The following ARHGAP26 variants were observed in gnomAD, a reference collection of about 807,000 sequenced individuals.
The protein encoded by ARHGAP26 is rho GTPase-activating protein 26.
A neutral mutation model predicts 104.8 loss-of-function variants in ARHGAP26; 38 were observed. The observed-to-expected ratio is 0.36, with a 90% CI of 0.28 to 0.48. The LOEUF is 0.48. Among genes scored for constraint, ARHGAP26 ranks in the 20% least tolerant of loss-of-function variants. The probability of loss-of-function intolerance (pLI) is 0.99; values close to 1 mark genes in which losing one functional copy is unlikely to be tolerated. For synonymous variants in ARHGAP26, 341 were observed against 340.0 expected (o/e 1.00, Z -0.03); for missense variants, 704 against 947.9 (o/e 0.74, Z 3.38).
chr5:142,889,250 G>T (rs981404275), intron 5 of ARHGAP26, among the ~76,000 whole-genome samples: 16 of 152,226 alleles, frequency 1.1e-4, no homozygotes, highest in African/African-American at 3.9e-4. Context: ...GCCATACACC[G>T]TTCTGAGCAC....
chr5:142,806,362 T>C (rs986611976), intron 1 of ARHGAP26, among the ~76,000 whole-genome samples: 3 of 152,230 alleles, frequency 2.0e-5, no homozygotes, highest in Non-Finnish European at 4.4e-5. Context: ...ATTACAGTGC[T>C]GGGATTACAG....
rs538094045 is a variant in ARHGAP26, at chr5:142,875,017, G to A, written c.251-93G>A. On this transcript the variant is annotated intron_variant, in intron 2 of 22. Transcript: ENST00000645722. ...ACTTTAGGCATCTGTATGTGCCAAG[G>A]AATTAAAATCCATAACATAATAGCC... The A allele has an allele frequency of 1.6e-5, 17 of 1,048,800 alleles. No homozygotes were observed. In the African/African-American group the frequency reaches 2.7e-4, roughly 17 times the overall value. The allele number at this position is 1,048,800 out of a possible 1,614,324, so 65.0% of individuals were successfully genotyped here. A position where few individuals can be genotyped will look rare whatever the true frequency, so the allele number is the denominator to read the frequency against.
At chr5:142,809,508 TGGTTTGCTGCCCCAGGCA>T (rs895262806) in intron 1 of ARHGAP26, among the ~76,000 whole-genome samples, 1 of 152,170 alleles carries the variant, frequency 6.6e-6, no homozygotes, top group African/African-American at 2.4e-5. Flanking sequence ...AGATGGCTTT[TGGTTTGCTGCCCCAGGCA>T]GTGAGTCCCG....
chr5:143,063,056 A>G (rs1208837948), intron 17 of ARHGAP26, among the ~76,000 whole-genome samples: 1 of 152,154 alleles, frequency 6.6e-6, no homozygotes, highest in African/African-American at 2.4e-5. Context: ...TCTCTCTAGT[A>G]ACCACTGAAC....
At chr5:142,851,152 C>T (rs537625668) in intron 1 of ARHGAP26, among the ~76,000 whole-genome samples, 1 of 149,804 alleles carries the variant, frequency 6.7e-6, no homozygotes, top group South Asian at 2.1e-4. Context: ...GGCTGGAGTG[C>T]AGTGCATGAT....
At chr5:142,799,462 G>A (rs769231363) in intron 1 of ARHGAP26, among the ~76,000 whole-genome samples, 1 of 152,206 alleles carries the variant, frequency 6.6e-6, no homozygotes, top group Non-Finnish European at 1.5e-5. Context: ...AGTCCCAAGA[G>A]TGGATGCTTT....
chr5:142,907,905 C>T (rs1353410500), intron 9 of ARHGAP26, 101 bp downstream of exon 9: 1 of 677,684 alleles, frequency 1.5e-6, no homozygotes, highest in Non-Finnish European at 2.2e-6. Context: ...ATTTATGTTT[C>T]ATCATAAATT....
chr5:143,191,844 C>T (rs1343530438), intron 20 of ARHGAP26, among the ~76,000 whole-genome samples: 2 of 152,254 alleles, frequency 1.3e-5, no homozygotes, highest in Admixed American at 6.5e-5. Flanking sequence ...CCCCTTCCAT[C>T]GTATTTGTCA....
intron 17 of ARHGAP26, among the ~76,000 whole-genome samples, chr5:143,092,780 A>G (rs1791647345): frequency 6.6e-6 from 1 of 152,244 alleles, no homozygotes; most frequent in Non-Finnish European, 1.5e-5. Flanking sequence ...TAGAATTGGT[A>G]TAGATGGCTC....
chr5:143,106,230 A>G (rs1793996726), intron 17 of ARHGAP26, among the ~76,000 whole-genome samples: 1 of 152,120 alleles, frequency 6.6e-6, no homozygotes, highest in African/African-American at 2.4e-5. Context: ...TGGAAGACTG[A>G]GCAGTGGGAT....
At chr5:142,839,227 T>G (rs1446978379) in intron 1 of ARHGAP26, among the ~76,000 whole-genome samples, 1 of 152,244 alleles carries the variant, frequency 6.6e-6, no homozygotes, top group Non-Finnish European at 1.5e-5. Context: ...GTCTCTGTTC[T>G]TATGCTGTAA....
intron 12 of ARHGAP26, among the ~76,000 whole-genome samples, chr5:143,022,480 A>G (rs1482378929): frequency 1.3e-5 from 2 of 152,186 alleles, no homozygotes; most frequent in Admixed American, 6.5e-5. Flanking sequence ...CAACTCCGCT[A>G]TGGTAGTGTG....
chr5:143,090,793 A>G (rs1791305113), intron 17 of ARHGAP26, among the ~76,000 whole-genome samples: 1 of 152,224 alleles, frequency 6.6e-6, no homozygotes, highest in African/African-American at 2.4e-5. Context: ...ACATTGGACC[A>G]ACTACATCAT....
chr5:142,969,180 A>G (rs998069085), intron 11 of ARHGAP26, among the ~76,000 whole-genome samples: 18 of 152,228 alleles, frequency 1.2e-4, no homozygotes, highest in Non-Finnish European at 2.4e-4. Context: ...TGCTCAAGCA[A>G]TCTGCCCACC....
chr5:142,850,849 A>G (rs1254361611), intron 1 of ARHGAP26, among the ~76,000 whole-genome samples: 1 of 152,230 alleles, frequency 6.6e-6, no homozygotes, highest in Non-Finnish European at 1.5e-5. Context: ...ATCTGAAAGG[A>G]CTTTAAAGAG....
At chr5:142,810,720 T>G (rs10078709) in intron 1 of ARHGAP26, among the ~76,000 whole-genome samples, 6,975 of 152,300 alleles carry the variant, frequency 0.046, 534 homozygotes, top group African/African-American at 0.16. Flanking sequence ...TAATACCTAT[T>G]TCATTGTTGA....
chr5:143,177,281 T>C (rs1356851131), intron 20 of ARHGAP26, among the ~76,000 whole-genome samples: 1 of 152,154 alleles, frequency 6.6e-6, no homozygotes, highest in Non-Finnish European at 1.5e-5. Flanking sequence ...CTCAGAATAG[T>C]GTTTGGCTTT....
intron 1 of ARHGAP26, among the ~76,000 whole-genome samples, chr5:142,789,963 G>GGGGAC (rs1297351858): frequency 6.6e-6 from 1 of 152,148 alleles, no homozygotes; most frequent in Non-Finnish European, 1.5e-5. Context: ...ATCTAGAACT[G>GGGGAC]GGGACTGGTA....
At chr5:143,175,884 C>A (rs1803408909) in intron 20 of ARHGAP26, among the ~76,000 whole-genome samples, 1 of 152,118 alleles carries the variant, frequency 6.6e-6, no homozygotes, top group Non-Finnish European at 1.5e-5. Context: ...GAGGGTGAGG[C>A]AGGTGGATCA....
Sources: gnomAD v4.1 joint callset for allele counts (sites outside exome capture counted in the v4.1 genomes callset) on GRCh38, gnomAD v4.1.1 for gene constraint, MANE v1.5 for transcripts, NCBI Gene and HGNC (gene_info 2026-07-23, HGNC 2026-07-21) for gene names.